The following CRPPA variants were observed in gnomAD, a reference collection of about 807,000 sequenced individuals.
The protein encoded by CRPPA is D-ribitol-5-phosphate cytidylyltransferase.
A neutral mutation model predicts 52.0 loss-of-function variants in CRPPA; 43 were observed. The observed-to-expected ratio is 0.83, with a 90% CI of 0.65 to 1.07. The LOEUF (loss-of-function observed/expected upper bound fraction) is 1.07. CRPPA is among the 50% of genes least tolerant of loss of function. CRPPA has a pLI of 0.00. For synonymous variants in CRPPA, 250 were observed against 203.5 expected, an observed-to-expected ratio of 1.23 and a Z score of -1.94; for missense variants, 629 against 551.7, an observed-to-expected ratio of 1.14 and a Z score of -1.40.
chr7:16,389,928 A>AAAAAAAAAAT, intron 2 of CRPPA, among the ~76,000 whole-genome samples: 3 of 29,762 alleles, frequency 1.0e-4, no homozygotes, highest in African/African-American at 5.2e-4. Context: ...AAAAAAAAAA[A>AAAAAAAAAAT]ATATATATAT....
At chr7:16,250,175 A>T (rs1023471168) in intron 8 of CRPPA, among the ~76,000 whole-genome samples, 18 of 152,206 alleles carry the variant, frequency 1.2e-4, no homozygotes, top group African/African-American at 3.9e-4. Flanking sequence ...GATTAGAGAA[A>T]ACAGAGTGAA....
intron 9 of CRPPA, among the ~76,000 whole-genome samples, chr7:16,099,500 G>C (rs1381322273): frequency 6.7e-6 from 1 of 150,084 alleles, no homozygotes; most frequent in Non-Finnish European, 1.5e-5. Flanking sequence ...GGAAGGGAAG[G>C]GAAAAGGGAA....
At chr7:16,284,409 A>C (rs1329568987) in intron 5 of CRPPA, among the ~76,000 whole-genome samples, 2 of 152,166 alleles carry the variant, frequency 1.3e-5, no homozygotes, top group African/African-American at 4.8e-5. Context: ...CTGGTACAAG[A>C]AAACACCTAA....
At chr7:16,217,335 T>A (rs1782357524) in intron 8 of CRPPA, among the ~76,000 whole-genome samples, 1 of 151,858 alleles carries the variant, frequency 6.6e-6, no homozygotes, top group Non-Finnish European at 1.5e-5. Flanking sequence ...ACCACAAAGA[T>A]GGGGAAAAGA....
intron 5 of CRPPA, among the ~76,000 whole-genome samples, chr7:16,299,552 G>A (rs1784746880): frequency 6.6e-6 from 1 of 152,100 alleles, no homozygotes. Flanking sequence ...AGAGTAGAAA[G>A]GCCCCAGAGC....
intron 6 of CRPPA, among the ~76,000 whole-genome samples, chr7:16,268,292 T>C (rs1458534845): frequency 6.6e-6 from 1 of 152,078 alleles, no homozygotes; most frequent in Non-Finnish European, 1.5e-5. Context: ...AAAATTAAAA[T>C]CAGCTATAAT....
intron 8 of CRPPA, among the ~76,000 whole-genome samples, chr7:16,222,366 G>T (rs1782536903): frequency 6.7e-6 from 1 of 148,794 alleles, no homozygotes; most frequent in African/African-American, 2.5e-5. Flanking sequence ...AGTGGGTGCA[G>T]CGCACCAGCA....
intron 8 of CRPPA, among the ~76,000 whole-genome samples, chr7:16,257,993 A>C (rs959784599): frequency 6.6e-6 from 1 of 152,106 alleles, no homozygotes; most frequent in Non-Finnish European, 1.5e-5. Context: ...CAACCCAAGA[A>C]TCAGCTTTCT....
chr7:16,142,030 T>C (rs891124890), intron 9 of CRPPA, among the ~76,000 whole-genome samples: 3 of 152,106 alleles, frequency 2.0e-5, no homozygotes, highest in Non-Finnish European at 2.9e-5. Flanking sequence ...CAAGAAATTA[T>C]ACACATTATA....
intron 1 of CRPPA, among the ~76,000 whole-genome samples, chr7:16,413,247 T>C (rs961411912): frequency 6.6e-6 from 1 of 152,214 alleles, no homozygotes; most frequent in Admixed American, 6.5e-5. Flanking sequence ...GAAGCCTTCC[T>C]ACTATGGCCC....
rs1418970112 is a variant in CRPPA, at chr7:16,379,438, T to C, written c.535-3197A>G. On this transcript the variant is annotated intron_variant, in intron 2 of 9. Transcript: ENST00000407010. ...TCAGGTAGTGTGATGCTTCCAGCTT[T>C]GTTCTTTTGGCTTAGGATTGACTTG... 1.2e-4 allele frequency among the ~76,000 whole-genome samples: 18 copies of C among 152,232 alleles called. 1 individual carries two copies. The highest frequency in any genetic ancestry group is 2.6e-4 in the Non-Finnish European group (18 of 68,042).
At chr7:16,274,594 A>T (rs1406606832) in intron 6 of CRPPA, among the ~76,000 whole-genome samples, 1 of 152,132 alleles carries the variant, frequency 6.6e-6, no homozygotes, top group African/African-American at 2.4e-5. Context: ...AAAAAGGAAG[A>T]TATTAAATTA....
At position 16,303,477 on chromosome 7, in the gene CRPPA, T is replaced by TAAAAAAAAAAAAAAAAAAAAAAAAAAAAA. The variant is rs545663821; in HGVS notation, c.790-2012_790-2011insTTTTTTTTTTTTTTTTTTTTTTTTTTTTT. ...GTTTCTGTGTTGAGACATAAAATAG[T>TAAAAAAAAAAAAAAAAAAAAAAAAAAAAA]AAAAAAAAAAAAAAAAAAAAAAAAA... On this transcript the variant is annotated intron_variant, in intron 4 of 9. Coordinates refer to ENST00000407010, the MANE Select transcript of CRPPA (RefSeq NM_001101426.4). 7.8e-4 allele frequency among the ~76,000 whole-genome samples: 35 copies of TAAAAAAAAAAAAAAAAAAAAAAAAAAAAA among 44,972 alleles called. 4 individuals carry two copies. The highest frequency in any genetic ancestry group is 1.1e-3 in the South Asian group (1 of 894). The allele number at this position is 44,972 out of a possible 152,430, so 29.5% of individuals were successfully genotyped here. A position where few individuals can be genotyped will look rare whatever the true frequency, so the allele number is the denominator to read the frequency against.
At chr7:16,399,503 CCAA>C (rs1337751442) in intron 2 of CRPPA, among the ~76,000 whole-genome samples, 1 of 109,108 alleles carries the variant, frequency 9.2e-6, no homozygotes, top group African/African-American at 5.1e-5. Flanking sequence ...TGACTCGTGA[CCAA>C]CGTGACCAGA....
At chr7:16,246,884 G>T (rs1017355055) in intron 8 of CRPPA, among the ~76,000 whole-genome samples, 2 of 152,178 alleles carry the variant, frequency 1.3e-5, no homozygotes, top group Non-Finnish European at 2.9e-5. Context: ...TTTCAGAATG[G>T]TAAGTGAGCA....
At chr7:16,397,651 T>A (rs1238806802) in intron 2 of CRPPA, among the ~76,000 whole-genome samples, 1 of 152,024 alleles carries the variant, frequency 6.6e-6, no homozygotes, top group African/African-American at 2.4e-5. Context: ...GACACATGAC[T>A]GACATGTGAC....
chr7:16,168,016 T>C (rs1781102903), intron 9 of CRPPA, among the ~76,000 whole-genome samples: 3 of 152,256 alleles, frequency 2.0e-5, no homozygotes, highest in Non-Finnish European at 4.4e-5. Context: ...TCTTTTTATG[T>C]ATGATTTACT....
chr7:16,303,672 T>C (rs1488312806), intron 4 of CRPPA, among the ~76,000 whole-genome samples: 1 of 152,044 alleles, frequency 6.6e-6, no homozygotes, highest in Non-Finnish European at 1.5e-5. Context: ...ATCATATACA[T>C]ATAGAAAATA....
chr7:16,243,823 C>T (rs1452591645), intron 8 of CRPPA, among the ~76,000 whole-genome samples: 1 of 152,016 alleles, frequency 6.6e-6, no homozygotes, highest in East Asian at 1.9e-4. Context: ...AAAAATTAGC[C>T]AGGCATAGTG....
Sources: allele counts gnomAD v4.1 joint callset (sites outside exome capture counted in the v4.1 genomes callset), GRCh38; gene constraint gnomAD v4.1.1; transcripts MANE v1.5; gene names NCBI Gene and HGNC (gene_info 2026-07-23, HGNC 2026-07-21).